Variants in NTRK2 observed in about 807,000 individuals in gnomAD.
The protein encoded by NTRK2 is BDNF/NT-3 growth factors receptor.
Under a neutral mutation model 94.5 loss-of-function variants are expected in NTRK2, and 13 were observed. The observed-to-expected ratio is 0.14, with a 90% CI of 0.09 to 0.22. The LOEUF (loss-of-function observed/expected upper bound fraction) is 0.22, where lower values mean the gene tolerates loss of function less well. NTRK2 is among the 10% of genes least tolerant of loss of function. The pLI, the probability that NTRK2 is intolerant of heterozygous loss-of-function variation, is 1.00. For missense variants in NTRK2, 639 were observed against 1,071.2 expected (o/e 0.60, Z 5.63); for synonymous variants, 372 against 407.4 (o/e 0.91, Z 1.05).
intron 14 of NTRK2, chr9:84,874,673 G>A (rs2076001022): frequency 2.8e-6 from 3 of 1,062,160 alleles, no homozygotes; most frequent in South Asian, 9.1e-5. Flanking sequence ...CCACATAAAG[G>A]AATCTCTCTC....
At chr9:84,692,527 A>G (rs1188633372) in intron 2 of NTRK2, among the ~76,000 whole-genome samples, 4 of 130,408 alleles carry the variant, frequency 3.1e-5, no homozygotes, top group African/African-American at 3.0e-5. Context: ...CTGGAATCCA[A>G]TGGCGCGATT....
At chr9:84,712,625 CTG>C (rs1459637514) in intron 6 of NTRK2, among the ~76,000 whole-genome samples, 5 of 152,120 alleles carry the variant, frequency 3.3e-5, no homozygotes, top group African/African-American at 1.2e-4. Flanking sequence ...GTGTTCTTAA[CTG>C]TTTTGTTCTT....
At chr9:84,797,763 TA>T (rs1213809147) in intron 12 of NTRK2, among the ~76,000 whole-genome samples, 6 of 20,170 alleles carry the variant, frequency 3.0e-4, no homozygotes, top group Admixed American at 1.1e-3. Context: ...ATATATACTA[TA>T]ATAATATATA....
At chr9:84,865,184 G>A (rs1394098621) in intron 13 of NTRK2, among the ~76,000 whole-genome samples, 1 of 152,170 alleles carries the variant, frequency 6.6e-6, no homozygotes, top group Non-Finnish European at 1.5e-5. Flanking sequence ...GTATCCTAAT[G>A]CAGGTGAACT....
intron 16 of NTRK2, among the ~76,000 whole-genome samples, chr9:84,953,957 CG>C (rs983407845): frequency 6.6e-6 from 1 of 152,062 alleles, no homozygotes; most frequent in Non-Finnish European, 1.5e-5. Context: ...AGGCTGGAGC[CG>C]GGATGGAAGT....
intron 15 of NTRK2, among the ~76,000 whole-genome samples, chr9:84,944,867 C>T (rs1362460243): frequency 2.6e-5 from 4 of 152,246 alleles, no homozygotes; most frequent in Non-Finnish European, 1.5e-5. Flanking sequence ...CCAAGGAAAA[C>T]ATCCCAACTT....
At chr9:84,843,075 G>T (rs1028955716) in intron 12 of NTRK2, among the ~76,000 whole-genome samples, 1 of 152,290 alleles carries the variant, frequency 6.6e-6, no homozygotes, top group Non-Finnish European at 1.5e-5. Flanking sequence ...CTGTAGGAAT[G>T]GGGGGTCATA....
In NTRK2 at chr9:84,822,211, G is replaced by A. The variant is rs530818474; in HGVS notation, c.1397-38829G>A. 2.8e-3 allele frequency among the ~76,000 whole-genome samples: 426 copies of A among 152,216 alleles called. 2 individuals carry two copies. The highest frequency in any genetic ancestry group is 5.0e-3 in the Non-Finnish European group (342 of 68,016). On this transcript the variant is annotated intron_variant, in intron 12 of 18. Transcript: ENST00000277120. ...CATATTCTTAGAAAATTGTCCAAGT[G>A]GAGGAAAAACAAAGAAGTTGTCACC...
intron 9 of NTRK2, 65 bp from the exon 10 acceptor site, chr9:84,741,827 T>TAGGTTAGTAATTTTTTGACTC: frequency 7.3e-7 from 1 of 1,375,390 alleles, no homozygotes; most frequent in Non-Finnish European, 1.0e-6. Flanking sequence ...TTAGTTGACA[T>TAGGTTAGTAATTTTTTGACTC]AGGTTAGTAA....
chr9:84,767,784 C>T (rs1210164635), intron 12 of NTRK2, among the ~76,000 whole-genome samples: 1 of 152,160 alleles, frequency 6.6e-6, no homozygotes, highest in Non-Finnish European at 1.5e-5. Context: ...ACCTCTTTTC[C>T]CCCAAATATC....
chr9:84,856,807 A>G (rs1198332279), intron 12 of NTRK2, among the ~76,000 whole-genome samples: 1 of 152,236 alleles, frequency 6.6e-6, no homozygotes, highest in East Asian at 1.9e-4. Flanking sequence ...TACATTTGAG[A>G]ACATGGCAAA....
rs536445167 is a variant in NTRK2 at position 84,675,324 on chromosome 9, C to CTTTTTTTTTT, written c.212+4382_212+4391dup. Among the ~76,000 whole-genome samples, 23 of 67,324 alleles carry CTTTTTTTTTT rather than the reference C, an allele frequency of 3.4e-4. 1 individual carries two copies. Among genetic ancestry groups the CTTTTTTTTTT allele is most frequent in the East Asian group, 5.3e-4 (1 of 1,888 alleles). The allele number at this position is 67,324 out of a possible 152,430, so 44.2% of individuals were successfully genotyped here. A position where few individuals can be genotyped will look rare whatever the true frequency, so the allele number is the denominator to read the frequency against. On this transcript the variant is annotated intron_variant, in intron 2 of 18. Coordinates refer to ENST00000277120, the MANE Select transcript of NTRK2 (RefSeq NM_006180.6). ...CTCTTCTCCTTTCTTTCTTTCTTTC[C>CTTTTTTTTTT]TTTTTTTTTTTTTTTTTTTTTTTTT...
At chr9:84,974,937 G>A (rs908687772) in intron 17 of NTRK2, among the ~76,000 whole-genome samples, 1 of 152,220 alleles carries the variant, frequency 6.6e-6, no homozygotes, top group Non-Finnish European at 1.5e-5. Flanking sequence ...AAAGAACAGT[G>A]TGGGAAAGAA....
intron 6 of NTRK2, among the ~76,000 whole-genome samples, chr9:84,711,602 G>A (rs146308811): frequency 6.6e-6 from 1 of 152,340 alleles, no homozygotes; most frequent in Non-Finnish European, 1.5e-5. Context: ...TTCTGGCCTA[G>A]TGGCTGGTGA....
rs574637260 is a variant in NTRK2 at position 84,925,976 on chromosome 9, T to C, written c.1634-8186T>C. 2.2e-3 allele frequency among the ~76,000 whole-genome samples: 328 copies of C among 152,184 alleles called. 1 individual carries two copies. Among genetic ancestry groups the C allele is most frequent in the Admixed American group, 3.5e-3 (53 of 15,286 alleles). On this transcript the variant is annotated intron_variant, in intron 14 of 18. Coordinates refer to ENST00000277120, the MANE Select transcript of NTRK2 (RefSeq NM_006180.6). ...TAGTCCAAACTCCCTTATTTAACAA[T>C]GAGGAAGGGGAGGCACAGAGAAGGA...
rs538393412 is a variant in NTRK2, at chr9:84,808,319, A to G, written c.1397-52721A>G. 2.7e-3 allele frequency among the ~76,000 whole-genome samples: 418 copies of G among 152,324 alleles called. 4 individuals carry two copies. The highest frequency in any genetic ancestry group is 5.0e-3 in the Non-Finnish European group (338 of 68,030). ...GCCTGGTTAAGTTCCTGCTGTAAACATGCTGGGATTAGTAAACTCTTGGAG... is the reference window on the plus strand; with the variant it reads ...GCCTGGTTAAGTTCCTGCTGTAAACGTGCTGGGATTAGTAAACTCTTGGAG... On this transcript the variant is annotated intron_variant, in intron 12 of 18. Transcript: ENST00000277120.
At position 84,888,790 on chromosome 9, in the gene NTRK2, T is replaced by G. The variant is rs544329657; in HGVS notation, c.1633+21359T>G. Among the ~76,000 whole-genome samples the G allele has an allele frequency of 4.6e-5, 7 of 151,692 alleles. No individual in the cohort carries two copies. The South Asian group carries it at 1.5e-3, about 32-fold the overall frequency. On this transcript the variant is annotated intron_variant, in intron 14 of 18. Coordinates refer to ENST00000277120, the MANE Select transcript of NTRK2 (RefSeq NM_006180.6). ...AGGTTGGACCCAGTGCTTAGAGTAC[T>G]CAACATATTATAAAGTTCACCTGAC...
chr9:84,894,855 A>G (rs2132335910), intron 14 of NTRK2, among the ~76,000 whole-genome samples: 1 of 152,350 alleles, frequency 6.6e-6, no homozygotes, highest in South Asian at 2.1e-4. Context: ...GCTACAGACA[A>G]AGCTCAATAG....
intron 17 of NTRK2, among the ~76,000 whole-genome samples, chr9:84,967,830 C>T (rs909730323): frequency 2.6e-5 from 4 of 152,146 alleles, no homozygotes; most frequent in Admixed American, 6.5e-5. Context: ...GGGTTAAGGG[C>T]GTGGAGGGAA....
Sources: allele counts gnomAD v4.1 joint callset (sites outside exome capture counted in the v4.1 genomes callset), GRCh38; gene constraint gnomAD v4.1.1; transcripts MANE v1.5; gene names NCBI Gene and HGNC (gene_info 2026-07-23, HGNC 2026-07-21).